CDHR3: variants seen among roughly 807,000 people sequenced by gnomAD.
CDHR3 encodes cadherin-related family member 3.
Under a neutral mutation model 86.6 loss-of-function variants are expected in CDHR3, and 79 were observed. That is an observed-to-expected ratio of 0.91 (90% CI 0.76 to 1.10). The LOEUF (loss-of-function observed/expected upper bound fraction) is 1.10. CDHR3 is among the 50% of genes least tolerant of loss of function. CDHR3 has a pLI of 0.00. For synonymous variants in CDHR3, 421 were observed against 402.4 expected (o/e 1.05, Z -0.55); for missense variants, 1,081 against 1,077.6 (o/e 1.00, Z -0.04).
At chr7:105,984,887 C>T (rs1484316269) in intron 4 of CDHR3, among the ~76,000 whole-genome samples, 6 of 151,912 alleles carry the variant, frequency 3.9e-5, no homozygotes, top group African/African-American at 1.2e-4. Flanking sequence ...AGTGAGACCT[C>T]GTCTCTACAA....
chr7:105,980,625 T>TTTTTTTTTTTAA (rs1463016521), intron 2 of CDHR3, among the ~76,000 whole-genome samples: 10 of 17,318 alleles, frequency 5.8e-4, no homozygotes, highest in South Asian at 3.8e-3. Context: ...TTTTTTTAAT[T>TTTTTTTTTTTAA]TTTTTTTTTT....
chr7:106,019,560 C>G (rs2115873761), intron 12 of CDHR3, among the ~76,000 whole-genome samples: 1 of 152,248 alleles, frequency 6.6e-6, no homozygotes, highest in East Asian at 1.9e-4. Flanking sequence ...ACTAAACGAT[C>G]ACACAAGTCC....
Position 105,994,748 on chromosome 7 carries a change from T to C in CDHR3, c.514-3T>C, listed in dbSNP as rs1343396739. ...TCATCAATTTTTTTCCCTTGTTTTT[T>C]AGTATTTCCTGATTTCTCCCCCAAA... On this transcript the variant is annotated splice_region_variant and splice_polypyrimidine_tract_variant and intron_variant, in intron 4 of 18. Transcript: ENST00000317716. 1 of 1,605,916 alleles carries C rather than the reference T, an allele frequency of 6.2e-7. No individual in the cohort carries two copies. The highest frequency in any genetic ancestry group is 1.7e-5 in the Admixed American group (1 of 59,368).
intron 12 of CDHR3, among the ~76,000 whole-genome samples, chr7:106,018,798 A>C (rs1836069370): frequency 6.6e-6 from 1 of 151,846 alleles, no homozygotes; most frequent in Non-Finnish European, 1.5e-5. Flanking sequence ...TGCATACCAG[A>C]TGGGGTAGAT....
chr7:106,031,090 C>G (rs1324354755), intron 18 of CDHR3, among the ~76,000 whole-genome samples: 2 of 152,194 alleles, frequency 1.3e-5, no homozygotes, highest in Admixed American at 1.3e-4. Context: ...TAAAGGCTCA[C>G]GTTCAAGGGC....
chr7:106,021,769 A>G (rs1836611339), intron 13 of CDHR3, among the ~76,000 whole-genome samples: 2 of 152,216 alleles, frequency 1.3e-5, no homozygotes, highest in African/African-American at 4.8e-5. Flanking sequence ...AACTTGGCCT[A>G]TGGCTAGGGA....
intron 16 of CDHR3, among the ~76,000 whole-genome samples, chr7:106,028,116 T>TTAAAA (rs59804877): frequency 0.12 from 14,068 of 119,998 alleles, 1,009 homozygotes; most frequent in Non-Finnish European, 0.15. Context: ...AGACCCTGTC[T>TTAAAA]TAAAATAAAA....
At chr7:105,963,642 C>T in intron 1 of CDHR3, among the ~76,000 whole-genome samples, 2 of 152,132 alleles carry the variant, frequency 1.3e-5, no homozygotes, top group Non-Finnish European at 2.9e-5. Context: ...GGTAGTCCTC[C>T]TGAGATTTAA....
chr7:106,004,817 T>C (rs1833714701), intron 8 of CDHR3, 130 bp downstream of exon 8: 1 of 861,282 alleles, frequency 1.2e-6, no homozygotes, highest in East Asian at 2.6e-5. Flanking sequence ...TAAATCGATG[T>C]GAACTGTTCA....
chr7:106,034,414 G>GATCC lies in CDHR3; in HGVS notation c.*1719_*1722dup, dbSNP rs60324684. On this transcript the variant is annotated 3_prime_UTR_variant, in exon 19 of 19. Coordinates refer to ENST00000317716, the MANE Select transcript of CDHR3 (RefSeq NM_152750.5). ...ACAAGGTCCTGTGGGAGACAGACTGGATCCAGCAAATGTAGAGCTTCAGAG... is the reference window on the plus strand; with the variant it reads ...ACAAGGTCCTGTGGGAGACAGACTGGATCCATCCAGCAAATGTAGAGCTTCAGAG... Among the ~76,000 whole-genome samples, 74,053 of 151,700 alleles carry GATCC rather than the reference G, an allele frequency of 0.49. 18,767 individuals are homozygous for GATCC. Among genetic ancestry groups the GATCC allele is most frequent in the Middle Eastern group, 0.61 (178 of 292 alleles).
At chr7:105,982,140 G>T (rs1264897786) in intron 3 of CDHR3, among the ~76,000 whole-genome samples, 1 of 151,996 alleles carries the variant, frequency 6.6e-6, no homozygotes, top group African/African-American at 2.4e-5. Flanking sequence ...AACCCTACAA[G>T]AAATTCCCGT....
At chr7:106,027,625 G>C in intron 16 of CDHR3, 1 of 452,956 alleles carries the variant, frequency 2.2e-6, no homozygotes. Flanking sequence ...AGAGTGTGGG[G>C]GAGACAGGAC....
chr7:105,976,700 A>G (rs1002822773), intron 2 of CDHR3, among the ~76,000 whole-genome samples: 63 of 152,144 alleles, frequency 4.1e-4, no homozygotes, highest in Admixed American at 1.3e-4. Context: ...GAATGGAATC[A>G]TTATAGTATG....
intron 2 of CDHR3, among the ~76,000 whole-genome samples, chr7:105,977,210 T>A (rs1434913223): frequency 6.6e-6 from 1 of 152,214 alleles, no homozygotes. Context: ...TTTAAATGAT[T>A]TATCTGAGAT....
chr7:106,031,824 C>A (rs1209786909), intron 18 of CDHR3, among the ~76,000 whole-genome samples: 1 of 151,860 alleles, frequency 6.6e-6, no homozygotes, highest in Non-Finnish European at 1.5e-5. Flanking sequence ...CATGAGCCAA[C>A]TGGCCTAAGT....
chr7:106,008,161 A>T (rs1834226411), intron 8 of CDHR3, among the ~76,000 whole-genome samples: 1 of 152,126 alleles, frequency 6.6e-6, no homozygotes, highest in South Asian at 2.1e-4. Context: ...CTCTCACAAC[A>T]TGTGGGAGTT....
At chr7:105,987,374 C>G (rs1479059902) in intron 4 of CDHR3, among the ~76,000 whole-genome samples, 1 of 152,134 alleles carries the variant, frequency 6.6e-6, no homozygotes, top group African/African-American at 2.4e-5. Context: ...CAACAGCCAG[C>G]CTGCAGGAGC....
intron 11 of CDHR3, 89 bp from the exon 12 acceptor site, chr7:106,017,757 C>T (rs1835884845): frequency 9.3e-7 from 1 of 1,072,166 alleles, no homozygotes; most frequent in Non-Finnish European, 1.4e-6. Flanking sequence ...AGAAGTCCTT[C>T]TTACCATGGC....
intron 5 of CDHR3, among the ~76,000 whole-genome samples, chr7:105,995,351 T>C (rs1446565764): frequency 6.6e-6 from 1 of 152,166 alleles, no homozygotes; most frequent in Non-Finnish European, 1.5e-5. Context: ...AATTAAACAT[T>C]CCACATCAAA....
Sources: gnomAD v4.1 joint callset for allele counts (sites outside exome capture counted in the v4.1 genomes callset) on GRCh38, gnomAD v4.1.1 for gene constraint, MANE v1.5 for transcripts, NCBI Gene and HGNC (gene_info 2026-07-23, HGNC 2026-07-21) for gene names.